RBM47: variants seen among roughly 807,000 people sequenced by gnomAD.
The protein encoded by RBM47 is RNA-binding protein 47.
Under a neutral mutation model 47.1 loss-of-function variants are expected in RBM47, and 21 were observed. The ratio of observed to expected loss-of-function variants is 0.45; its 90% CI spans 0.32 to 0.64. RBM47 has a LOEUF of 0.64. Ranked by LOEUF, RBM47 falls within the 30% of genes least tolerant of loss-of-function variation. The pLI, the probability that RBM47 is intolerant of heterozygous loss-of-function variation, is 0.05. For missense variants in RBM47, 708 were observed against 870.9 expected (o/e 0.81, Z 2.35); for synonymous variants, 375 against 361.7 (o/e 1.04, Z -0.42).
chr4:40,488,335 A>G (rs1200278507), intron 2 of RBM47, among the ~76,000 whole-genome samples: 3 of 126,306 alleles, frequency 2.4e-5, no homozygotes, highest in African/African-American at 8.9e-5. Context: ...GTCTCAAAAG[A>G]AAAAAAAAAG....
chr4:40,529,913 T>C (rs1727210476), intron 2 of RBM47, among the ~76,000 whole-genome samples: 1 of 150,198 alleles, frequency 6.7e-6, no homozygotes, highest in South Asian at 2.1e-4. Context: ...ACGATGGATT[T>C]TAAGGATATT....
At chr4:40,487,965 T>C (rs757038950) in intron 2 of RBM47, among the ~76,000 whole-genome samples, 1 of 152,138 alleles carries the variant, frequency 6.6e-6, no homozygotes, top group Non-Finnish European at 1.5e-5. Flanking sequence ...ACATCCTTTC[T>C]GTTCTTTAGT....
At chr4:40,444,308 C>G (rs951094516) in intron 3 of RBM47, among the ~76,000 whole-genome samples, 10 of 152,174 alleles carry the variant, frequency 6.6e-5, no homozygotes, top group Middle Eastern at 3.4e-3. Context: ...AAATGCTTAA[C>G]TTATTGTAAT....
chr4:40,463,547 A>T (rs1043312275), intron 3 of RBM47, among the ~76,000 whole-genome samples: 1 of 152,178 alleles, frequency 6.6e-6, no homozygotes, highest in African/African-American at 2.4e-5. Context: ...AGAAATGAAC[A>T]TAAGTGGTAA....
chr4:40,518,806 A>T (rs886490897), intron 2 of RBM47, among the ~76,000 whole-genome samples: 1 of 137,692 alleles, frequency 7.3e-6, no homozygotes, highest in African/African-American at 2.9e-5. Flanking sequence ...TATGAGCTTT[A>T]AAAAAAAAAA....
intron 4 of RBM47, 170 bp from the exon 5 acceptor site, chr4:40,436,817 G>C (rs750473499): frequency 4.1e-6 from 3 of 726,984 alleles, no homozygotes; most frequent in Non-Finnish European, 4.9e-6. Context: ...TTTCAGCCTA[G>C]ATTTGCATCC....
intron 2 of RBM47, among the ~76,000 whole-genome samples, chr4:40,500,470 G>C (rs1449303197): frequency 1.3e-5 from 2 of 152,232 alleles, no homozygotes; most frequent in East Asian, 3.9e-4. Context: ...CATTAGCTGG[G>C]TGTGGTGGTA....
chr4:40,522,836 A>G lies in RBM47; in HGVS notation c.-155+21586T>C, dbSNP rs1345401059. ...ATTTTTCATGAAAACATTTTCATAAAAAATGAGCTTACTATTATTCTTGTT... is the reference window on the plus strand; with the variant it reads ...ATTTTTCATGAAAACATTTTCATAAGAAATGAGCTTACTATTATTCTTGTT... On this transcript the variant is annotated intron_variant, in intron 2 of 6. Transcript: ENST00000295971. Among the ~76,000 whole-genome samples the G allele has an allele frequency of 3.3e-5, 5 of 152,326 alleles. No homozygotes were observed. The East Asian group carries it at 9.6e-4, about 29-fold the overall frequency.
At chr4:40,486,069 CAAAAAAAAAAAAAA>C (rs201408070) in intron 2 of RBM47, among the ~76,000 whole-genome samples, 5,578 of 62,978 alleles carry the variant, frequency 0.089, 389 homozygotes, top group African/African-American at 0.23. Context: ...AACCCTGTTT[CAAAAAAAAAAAAAA>C]AAAAAAAAAA....
intron 2 of RBM47, among the ~76,000 whole-genome samples, chr4:40,469,693 C>G (rs1266070335): frequency 6.6e-6 from 1 of 151,778 alleles, no homozygotes; most frequent in Non-Finnish European, 1.5e-5. Context: ...AACATTGACC[C>G]TAAGTGTTTC....
intron 6 of RBM47, among the ~76,000 whole-genome samples, chr4:40,428,041 C>T (rs35739364): frequency 0.12 from 18,015 of 151,994 alleles, 1,285 homozygotes; most frequent in South Asian, 0.19. Context: ...AGATACAAAA[C>T]TTAGCCAGCC....
rs561006038 is a variant in RBM47 at position 40,476,566 on chromosome 4, A to C, written c.-154-9867T>G. ...TTTATGGTAATAAAACCATCTGTAC[A>C]CAACAACAGATCAGGAGGACCTGAG... On this transcript the variant is annotated intron_variant, in intron 2 of 6. Coordinates refer to ENST00000295971, the MANE Select transcript of RBM47 (RefSeq NM_001098634.2). 5.3e-5 allele frequency among the ~76,000 whole-genome samples: 8 copies of C among 152,144 alleles called. No individual in the cohort carries two copies. In the South Asian group the frequency reaches 1.0e-3, roughly 20 times the overall value.
At chr4:40,464,890 C>CAAAAAA (rs71646997) in intron 3 of RBM47, among the ~76,000 whole-genome samples, 13 of 32,090 alleles carry the variant, frequency 4.1e-4, no homozygotes, top group African/African-American at 8.8e-4. Context: ...GACTCTGTCT[C>CAAAAAA]AAAAAAAAAA....
chr4:40,575,012 A>G (rs577208792), intron 1 of RBM47, among the ~76,000 whole-genome samples: 102 of 152,328 alleles, frequency 6.7e-4, no homozygotes, highest in African/African-American at 2.3e-3. Context: ...ATTGGGAACC[A>G]TTTGGGTCCC....
At chr4:40,580,097 C>T (rs1732739824) in intron 1 of RBM47, among the ~76,000 whole-genome samples, 1 of 152,032 alleles carries the variant, frequency 6.6e-6, no homozygotes, top group Non-Finnish European at 1.5e-5. Context: ...GGTCTAAGTT[C>T]CAACATGCCA....
At chr4:40,471,302 T>C (rs1718826418) in intron 2 of RBM47, among the ~76,000 whole-genome samples, 4 of 152,216 alleles carry the variant, frequency 2.6e-5, no homozygotes. Context: ...CATTAGCTCC[T>C]GCCTGGACTT....
chr4:40,568,992 T>C (rs779209492), intron 1 of RBM47, among the ~76,000 whole-genome samples: 18 of 66,278 alleles, frequency 2.7e-4, no homozygotes, highest in Non-Finnish European at 5.0e-4. Flanking sequence ...AAAAGATAGA[T>C]AGATAGATAG....
At chr4:40,478,788 C>T (rs922833174) in intron 2 of RBM47, among the ~76,000 whole-genome samples, 2 of 152,194 alleles carry the variant, frequency 1.3e-5, no homozygotes, top group African/African-American at 4.8e-5. Flanking sequence ...GCCCAGCCTA[C>T]TTTTTAGTTT....
chr4:40,504,095 G>A (rs1723764187), intron 2 of RBM47, among the ~76,000 whole-genome samples: 1 of 152,102 alleles, frequency 6.6e-6, no homozygotes. Flanking sequence ...ATTCTTCAGG[G>A]ATGGTTTTCT....
Sources: allele counts gnomAD v4.1 joint callset (sites outside exome capture counted in the v4.1 genomes callset), GRCh38; gene constraint gnomAD v4.1.1; transcripts MANE v1.5; gene names NCBI Gene and HGNC (gene_info 2026-07-23, HGNC 2026-07-21).